The following ABRAXAS2 variants were observed in gnomAD, a reference collection of about 807,000 sequenced individuals.
ABRAXAS2 encodes the protein abraxas 2, BRISC complex subunit.
Under a neutral mutation model 49.0 loss-of-function variants are expected in ABRAXAS2, and 23 were observed. The ratio of observed to expected loss-of-function variants is 0.47; its 90% CI spans 0.34 to 0.66. The LOEUF (loss-of-function observed/expected upper bound fraction) is 0.66, where lower values mean the gene tolerates loss of function less well. Among genes scored for constraint, ABRAXAS2 ranks in the 30% least tolerant of loss-of-function variants. The pLI is 0.01. For missense variants in ABRAXAS2, 443 were observed against 511.9 expected, an observed-to-expected ratio of 0.87 and a Z score of 1.30; for synonymous variants, 168 against 180.2, an observed-to-expected ratio of 0.93 and a Z score of 0.54.
chr10:124,828,883 GA>G lies in ABRAXAS2; in HGVS notation c.578+11del, dbSNP rs768919868. The G allele has an allele frequency of 6.2e-7, 1 of 1,612,584 alleles. No individual in the cohort carries two copies. Among genetic ancestry groups the G allele is most frequent in the Non-Finnish European group, 8.5e-7 (1 of 1,179,286 alleles). On this transcript the variant is annotated intron_variant, in intron 6 of 8. Transcript: ENST00000298492. ...AGTGATTAAAGAACATGGGTAAGTT[GA>G]AAGGTAAAGTGCTAGTTTTTTCTTT...
At chr10:124,817,698 C>T (rs1950834245) in intron 3 of ABRAXAS2, among the ~76,000 whole-genome samples, 1 of 152,150 alleles carries the variant, frequency 6.6e-6, no homozygotes, top group East Asian at 1.9e-4. Flanking sequence ...GCCCAAACAC[C>T]TGGCCCCCTT....
At chr10:124,816,414 G>A (rs1950825617) in intron 2 of ABRAXAS2, among the ~76,000 whole-genome samples, 162 bp from the exon 3 acceptor site, 1 of 152,056 alleles carries the variant, frequency 6.6e-6, no homozygotes. Context: ...GTGTCACTGA[G>A]GGTGAGTATT....
At chr10:124,834,470 A>T in intron 8 of ABRAXAS2, 32 bp from the exon 9 acceptor site, 1 of 1,561,466 alleles carries the variant, frequency 6.4e-7, no homozygotes, top group Non-Finnish European at 8.7e-7. Context: ...GAGAATCTAG[A>T]AAGTGTTAGA....
chr10:124,802,613 A>AGTG (rs1950713739), intron 1 of ABRAXAS2, among the ~76,000 whole-genome samples: 1 of 152,182 alleles, frequency 6.6e-6, no homozygotes, highest in Non-Finnish European at 1.5e-5. Flanking sequence ...TGTCTGTTTC[A>AGTG]GTGTCTTTAT....
intron 8 of ABRAXAS2, among the ~76,000 whole-genome samples, chr10:124,832,570 C>T (rs1169404056): frequency 1.3e-5 from 2 of 152,162 alleles, no homozygotes; most frequent in African/African-American, 2.4e-5. Flanking sequence ...TAGGGCTGGG[C>T]GCGGTGGCTC....
chr10:124,831,299 T>C, intron 7 of ABRAXAS2, 50 bp from the exon 8 acceptor site: 1 of 1,091,032 alleles, frequency 9.2e-7, no homozygotes, highest in East Asian at 2.4e-5. Flanking sequence ...ATTTATGGAA[T>C]GCCTTGTGCT....
chr10:124,820,143 A>G (rs1669182680), intron 4 of ABRAXAS2, among the ~76,000 whole-genome samples: 1 of 152,260 alleles, frequency 6.6e-6, no homozygotes, highest in Non-Finnish European at 1.5e-5. Context: ...GTGCAGTTAT[A>G]TTAAAACAAC....
chr10:124,830,193 C>T (rs945039184), intron 7 of ABRAXAS2, among the ~76,000 whole-genome samples: 1 of 152,146 alleles, frequency 6.6e-6, no homozygotes, highest in Non-Finnish European at 1.5e-5. Context: ...ACCTGTCATC[C>T]CAGCATTTTG....
chr10:124,832,158 C>T (rs1476238086), intron 8 of ABRAXAS2, among the ~76,000 whole-genome samples: 1 of 152,042 alleles, frequency 6.6e-6, no homozygotes, highest in Non-Finnish European at 1.5e-5. Context: ...CACACCTAGT[C>T]TGTGTCCTGT....
rs1465268618 is a variant in ABRAXAS2, at chr10:124,835,117, G to A, written c.*146G>A. 3.3e-6 allele frequency: 2 copies of A among 599,012 alleles called. No homozygotes were observed. The highest frequency in any genetic ancestry group is 6.6e-5 in the Admixed American group (2 of 30,416). The allele number at this position is 599,012 out of a possible 1,614,324, so 37.1% of individuals were successfully genotyped here. ...GTCCTTGTGCACAGAACTTGTGGGA[G>A]CCTCCATCCGCTGCTCTTTACCTTT... On this transcript the variant is annotated 3_prime_UTR_variant, in exon 9 of 9. Transcript: ENST00000298492.
At position 124,832,264 on chromosome 10, in the gene ABRAXAS2, A is replaced by G. The variant is rs373750994; in HGVS notation, c.778+801A>G. 4.2e-3 allele frequency among the ~76,000 whole-genome samples: 645 copies of G among 152,216 alleles called. 2 individuals are homozygous for G. In the Middle Eastern group the frequency reaches 0.044, roughly 10 times the overall value. The stretch of plus-strand genomic sequence containing the variant: ...AAATGTCTAGTTTTGGTAGCCATGG[A>G]TGAATAGACACCATTAGGCTAAGGA... On this transcript the variant is annotated intron_variant, in intron 8 of 8. Coordinates refer to ENST00000298492, the MANE Select transcript of ABRAXAS2 (RefSeq NM_032182.4).
intron 2 of ABRAXAS2, among the ~76,000 whole-genome samples, chr10:124,811,655 A>G (rs1472667956): frequency 6.6e-6 from 1 of 151,742 alleles, no homozygotes; most frequent in South Asian, 2.1e-4. Flanking sequence ...GGAGAATGGC[A>G]TGAACCTGGG....
At chr10:124,806,714 G>A (rs1950747032) in intron 1 of ABRAXAS2, 117 bp from the exon 2 acceptor site, 5 of 648,196 alleles carry the variant, frequency 7.7e-6, no homozygotes, top group Non-Finnish European at 5.3e-6. Flanking sequence ...GGTTTACATG[G>A]GAAGCTTGTT....
At chr10:124,831,274 TG>T (rs1235764054) in intron 7 of ABRAXAS2, 74 bp from the exon 8 acceptor site, 10 of 872,094 alleles carry the variant, frequency 1.1e-5, no homozygotes, top group African/African-American at 5.0e-5. Flanking sequence ...TTCCTGGAGT[TG>T]TAATCAGCGC....
intron 4 of ABRAXAS2, among the ~76,000 whole-genome samples, chr10:124,821,675 A>G (rs1950862303): frequency 6.6e-6 from 1 of 152,128 alleles, no homozygotes; most frequent in South Asian, 2.1e-4. Flanking sequence ...TTTTTTGCCC[A>G]TAAGATTGGC....
rs1421479744 is a variant in ABRAXAS2 at position 124,836,468 on chromosome 10, T to C, written c.*1497T>C. ...CGCTGCAGACCACTTTATCTGCAAA[T>C]GTGTTCCAGTTGTTATCAGCTACCT... On this transcript the variant is annotated 3_prime_UTR_variant, in exon 9 of 9. Transcript: ENST00000298492. The C allele has an allele frequency of 1.3e-5, 2 of 152,280 alleles. No homozygotes were observed. Among genetic ancestry groups the C allele is most frequent in the African/African-American group, 4.8e-5 (2 of 41,448 alleles). 9.4% of individuals were successfully genotyped at this position (152,280 alleles called of 1,614,324 possible).
intron 8 of ABRAXAS2, among the ~76,000 whole-genome samples, chr10:124,833,187 C>T (rs1039379914): frequency 1.3e-5 from 2 of 150,336 alleles, no homozygotes; most frequent in African/African-American, 4.9e-5. Flanking sequence ...AAAAACTAGG[C>T]CAACCATGGT....
In ABRAXAS2 at chr10:124,826,584, T is replaced by C; in HGVS notation, c.268-11T>C. On this transcript the variant is annotated splice_polypyrimidine_tract_variant and intron_variant, in intron 4 of 8. Coordinates refer to ENST00000298492, the MANE Select transcript of ABRAXAS2 (RefSeq NM_032182.4). Reference sequence around the variant, plus strand: ...TAAGATTTCATGCAACTTTTCACACTTTTCTTTCAGAAAGTCATTGGGTGG... The same window carrying C: ...TAAGATTTCATGCAACTTTTCACACCTTTCTTTCAGAAAGTCATTGGGTGG... The C allele has an allele frequency of 1.2e-6, 2 of 1,601,812 alleles. No homozygotes were observed. The highest frequency in any genetic ancestry group is 1.7e-6 in the Non-Finnish European group (2 of 1,172,762).
Position 124,834,888 on chromosome 10 carries a change from A to G in ABRAXAS2, c.1165A>G (p.Ser389Gly). 6.2e-7 allele frequency: 1 copy of G among 1,614,164 alleles called. No individual in the cohort carries two copies. The highest frequency in any genetic ancestry group is 8.5e-7 in the Non-Finnish European group (1 of 1,180,026). ...NLIDPTEPSN[S>G]EYSHSKDSRP... is the part of the protein sequence containing the mutation. Reference sequence around the variant, plus strand: ...GATTGACCCTACAGAGCCTTCTAATAGTGAATACTCACATTCAAAGGATTC... The same window carrying G: ...GATTGACCCTACAGAGCCTTCTAATGGTGAATACTCACATTCAAAGGATTC... Residue 389 changes from serine to glycine, a missense_variant, in exon 9 of 9, where the codon AGT becomes GGT. Around this residue, in one of 3 missense-constraint regions of ABRAXAS2, gnomAD observed 230 missense variants for 237.0 expected, o/e 0.97. Coordinates refer to ENST00000298492, the MANE Select transcript of ABRAXAS2 (RefSeq NM_032182.4).
Sources: allele counts gnomAD v4.1 joint callset (sites outside exome capture counted in the v4.1 genomes callset), GRCh38; gene constraint gnomAD v4.1.1; regional missense constraint gnomAD v4.1.1; transcripts MANE v1.5; gene names NCBI Gene and HGNC (gene_info 2026-07-23, HGNC 2026-07-21).